The following OMA1 variants were observed in gnomAD, a reference collection of about 807,000 sequenced individuals.
OMA1 encodes metalloendopeptidase OMA1, mitochondrial.
OMA1 carries 38 observed loss-of-function variants against 30.9 expected under a neutral mutation model. The observed-to-expected ratio is 1.23, with a 90% CI of 0.95 to 1.61. The LOEUF (loss-of-function observed/expected upper bound fraction) is 1.61. Ranked by LOEUF, OMA1 falls within the 40% of genes most tolerant of loss-of-function variation. The pLI is 0.00. For missense variants in OMA1, 461 were observed against 349.2 expected, an observed-to-expected ratio of 1.32 and a Z score of -2.55; for synonymous variants, 173 against 121.9, an observed-to-expected ratio of 1.42 and a Z score of -2.76.
At chr1:58,490,464 G>C (rs2100373724) in intron 8 of OMA1, among the ~76,000 whole-genome samples, 1 of 152,306 alleles carries the variant, frequency 6.6e-6, no homozygotes. Context: ...ATCTACATCT[G>C]ATTGGTGTAC....
chr1:58,505,002 G>A (rs1016582796), intron 8 of OMA1, among the ~76,000 whole-genome samples: 1 of 151,384 alleles, frequency 6.6e-6, no homozygotes, highest in Non-Finnish European at 1.5e-5. Flanking sequence ...TCGCTGACTA[G>A]AGTGCAGTGG....
chr1:58,520,206 T>C (rs1646240801), intron 7 of OMA1, among the ~76,000 whole-genome samples: 1 of 152,054 alleles, frequency 6.6e-6, no homozygotes, highest in Non-Finnish European at 1.5e-5. Context: ...ACGTGCAATT[T>C]ACCCACGTAA....
At chr1:58,520,355 T>G (rs1221433925) in intron 7 of OMA1, among the ~76,000 whole-genome samples, 1 of 152,178 alleles carries the variant, frequency 6.6e-6, no homozygotes, top group Non-Finnish European at 1.5e-5. Context: ...GAAAAACTCC[T>G]ACAACTCAAG....
chr1:58,530,055 G>T (rs1335829878), intron 6 of OMA1, among the ~76,000 whole-genome samples: 1 of 152,004 alleles, frequency 6.6e-6, no homozygotes, highest in African/African-American at 2.4e-5. Context: ...TAATTTTTTT[G>T]TATTTTTAGT....
intron 6 of OMA1, among the ~76,000 whole-genome samples, chr1:58,528,918 G>A (rs1646391468): frequency 6.6e-6 from 1 of 152,072 alleles, no homozygotes; most frequent in South Asian, 2.1e-4. Context: ...ACAGTGAAGT[G>A]GCAGAATTTA....
intron 8 of OMA1, among the ~76,000 whole-genome samples, chr1:58,501,002 C>T (rs1302624723): frequency 6.6e-6 from 1 of 152,156 alleles, no homozygotes; most frequent in Non-Finnish European, 1.5e-5. Context: ...TACTATTAAA[C>T]ATCAACAAAT....
chr1:58,525,990 C>T (rs951851697), intron 7 of OMA1, among the ~76,000 whole-genome samples: 1 of 151,954 alleles, frequency 6.6e-6, no homozygotes, highest in Non-Finnish European at 1.5e-5. Flanking sequence ...AGTCTATTAG[C>T]TATCCATAGG....
intron 7 of OMA1, among the ~76,000 whole-genome samples, chr1:58,521,408 T>A (rs1356202183): frequency 1.3e-5 from 2 of 149,854 alleles, no homozygotes; most frequent in South Asian, 4.2e-4. Context: ...ACCCAAAAAA[T>A]GAATGCAGAA....
At chr1:58,530,192 A>AT (rs1206206491) in intron 6 of OMA1, among the ~76,000 whole-genome samples, 1 of 152,136 alleles carries the variant, frequency 6.6e-6, no homozygotes, top group Non-Finnish European at 1.5e-5. Flanking sequence ...ATACCATGCC[A>AT]TTTTTTATCA....
intron 2 of OMA1, among the ~76,000 whole-genome samples, chr1:58,538,573 T>C (rs1557459365): frequency 6.6e-6 from 1 of 152,276 alleles, no homozygotes; most frequent in East Asian, 1.9e-4. Context: ...ATGCAGGAAA[T>C]TGTTTCAAGA....
chr1:58,530,798 T>C, intron 5 of OMA1, 69 bp from the exon 6 acceptor site: 2 of 794,694 alleles, frequency 2.5e-6, no homozygotes, highest in South Asian at 1.5e-5. Flanking sequence ...CATTTTCTAG[T>C]TCATCATGTG....
chr1:58,527,175 C>T lies in OMA1; in HGVS notation c.1215+86G>A, dbSNP rs1646365137. On this transcript the variant is annotated intron_variant, in intron 7 of 8. Coordinates refer to ENST00000371226, the MANE Select transcript of OMA1 (RefSeq NM_145243.5). The stretch of plus-strand genomic sequence containing the variant: ...AATACAGTCCAACTCTCATTCTCTG[C>T]TTATGCCAAGCCTCATTAAAATAAC... The T allele has an allele frequency of 5.1e-6, 4 of 790,164 alleles. No homozygotes were observed. The African/African-American group carries it at 5.1e-5, about 10-fold the overall frequency. The allele number at this position is 790,164 out of a possible 1,614,324, so 48.9% of individuals were successfully genotyped here.
At chr1:58,497,599 G>A (rs1037534588) in intron 8 of OMA1, among the ~76,000 whole-genome samples, 2 of 142,008 alleles carry the variant, frequency 1.4e-5, no homozygotes, top group East Asian at 1.9e-4. Flanking sequence ...AGACATAGGG[G>A]AAGTTCTGAA....
At chr1:58,544,400 G>A (rs1355237401) in intron 1 of OMA1, among the ~76,000 whole-genome samples, 2 of 152,092 alleles carry the variant, frequency 1.3e-5, no homozygotes, top group East Asian at 1.9e-4. Context: ...GAGAAAATAT[G>A]CTAGTATATA....
At chr1:58,517,473 T>A (rs60490291) in intron 7 of OMA1, among the ~76,000 whole-genome samples, 23,000 of 152,206 alleles carry the variant, frequency 0.15, 1,820 homozygotes, top group Middle Eastern at 0.23. Context: ...CTCCATTTTA[T>A]CTATTTCTTT....
chr1:58,490,162 C>G (rs890898147), intron 8 of OMA1, among the ~76,000 whole-genome samples: 2 of 152,084 alleles, frequency 1.3e-5, no homozygotes. Flanking sequence ...GGAGGAAGTT[C>G]GAACCCATGG....
At chr1:58,487,090 C>T (rs1050269948) in intron 8 of OMA1, among the ~76,000 whole-genome samples, 12 of 152,132 alleles carry the variant, frequency 7.9e-5, no homozygotes, top group Non-Finnish European at 1.0e-4. Context: ...TGAGGTGAAA[C>T]GTGACATCGT....
At chr1:58,492,497 A>G (rs1031281915) in intron 8 of OMA1, among the ~76,000 whole-genome samples, 9 of 152,222 alleles carry the variant, frequency 5.9e-5, no homozygotes, top group African/African-American at 2.2e-4. Context: ...TGAAAAGATC[A>G]ACAAAATTGA....
At chr1:58,526,272 G>T (rs371920703) in intron 7 of OMA1, among the ~76,000 whole-genome samples, 1 of 152,118 alleles carries the variant, frequency 6.6e-6, no homozygotes, top group East Asian at 1.9e-4. Context: ...AACATTCAAA[G>T]AACTGATTTT....
Sources: allele counts gnomAD v4.1 joint callset (sites outside exome capture counted in the v4.1 genomes callset), GRCh38; gene constraint gnomAD v4.1.1; transcripts MANE v1.5; gene names NCBI Gene and HGNC (gene_info 2026-07-23, HGNC 2026-07-21).